Variants in CAST observed in about 807,000 individuals in gnomAD.
CAST encodes the protein calpastatin.
A neutral mutation model predicts 119.6 loss-of-function variants in CAST; 76 were observed. That is an observed-to-expected ratio of 0.64 (90% CI 0.53 to 0.77). The LOEUF is 0.77. Ranked by LOEUF, CAST falls within the 30% of genes least tolerant of loss-of-function variation. The pLI is 0.00. For synonymous variants in CAST, 319 were observed against 331.6 expected (o/e 0.96, Z 0.41); for missense variants, 953 against 946.5 (o/e 1.01, Z -0.09).
the CAST span, among the ~76,000 whole-genome samples, chr5:96,366,197 A>C: frequency 6.6e-6 from 1 of 152,278 alleles, no homozygotes; most frequent in East Asian, 1.9e-4. Flanking sequence ...AGAGAGATCC[A>C]CTGTTAGTCT....
At chr5:96,669,904 A>G (rs1281890414) in intron 1 of CAST, among the ~76,000 whole-genome samples, 1 of 152,240 alleles carries the variant, frequency 6.6e-6, no homozygotes, top group Non-Finnish European at 1.5e-5. Flanking sequence ...AGAAAAATTT[A>G]TCCATGGCAA....
chr5:96,068,033 G>A, the CAST span, among the ~76,000 whole-genome samples: 2 of 152,136 alleles, frequency 1.3e-5, no homozygotes, highest in African/African-American at 4.8e-5. Context: ...AGCATCTCTG[G>A]GAATAAAGGT....
chr5:96,333,303 C>G, the CAST span, among the ~76,000 whole-genome samples: 1 of 151,950 alleles, frequency 6.6e-6, no homozygotes, highest in Non-Finnish European at 1.5e-5. Context: ...CTGTTTTCTG[C>G]ACGGTCAGAT....
the CAST span, among the ~76,000 whole-genome samples, chr5:96,049,641 A>G: frequency 3.3e-5 from 5 of 152,126 alleles, no homozygotes; most frequent in Admixed American, 6.5e-5. Flanking sequence ...GGAAAAGTCC[A>G]GGGTTACTGG....
chr5:96,468,381 A>G, the CAST span, among the ~76,000 whole-genome samples: 3,237 of 152,160 alleles, frequency 0.021, 130 homozygotes, highest in African/African-American at 0.074. Flanking sequence ...AGCTACGGAA[A>G]TTTTTTAAAA....
At chr5:96,401,813 T>C in the CAST span, among the ~76,000 whole-genome samples, 1 of 152,204 alleles carries the variant, frequency 6.6e-6, no homozygotes, top group Non-Finnish European at 1.5e-5. Context: ...TGTTCTCTGA[T>C]GTGTAGCACC....
At chr5:96,618,699 C>T (rs1025629441) in intron 1 of CAST, among the ~76,000 whole-genome samples, 6 of 151,510 alleles carry the variant, frequency 4.0e-5, no homozygotes, top group South Asian at 2.1e-4. Context: ...GGCTCACTGA[C>T]GCCACCCTCA....
At chr5:95,990,983 A>G in the CAST span, among the ~76,000 whole-genome samples, 1 of 152,326 alleles carries the variant, frequency 6.6e-6, no homozygotes, top group African/African-American at 2.4e-5. Context: ...AACTCTAATT[A>G]GTGTTTTCTC....
the CAST span, among the ~76,000 whole-genome samples, chr5:96,355,931 A>T: frequency 2.2e-4 from 34 of 152,142 alleles, no homozygotes; most frequent in African/African-American, 7.2e-4. Context: ...CGATCCCTTG[A>T]CCTCATGATC....
chr5:96,328,373 TTCTCTCTCCCTCTCTC>T, the CAST span, among the ~76,000 whole-genome samples: 9,375 of 93,786 alleles, frequency 0.1, 1,064 homozygotes, highest in African/African-American at 0.2. Flanking sequence ...CTGTCTTTCC[TTCTCTCTCCCTCTCTC>T]TCTCTCTCTC....
At chr5:96,227,369 T>C in the CAST span, among the ~76,000 whole-genome samples, 1 of 152,228 alleles carries the variant, frequency 6.6e-6, no homozygotes, top group Non-Finnish European at 1.5e-5. Flanking sequence ...AGTTTAAATT[T>C]AGTACAGCAT....
chr5:96,050,598 G>T, the CAST span, among the ~76,000 whole-genome samples: 107 of 152,356 alleles, frequency 7.0e-4, 1 homozygote, highest in African/African-American at 2.0e-3. Flanking sequence ...AATGGTGCTG[G>T]CCATAGGGCA....
chr5:95,977,548 C>T, the CAST span, among the ~76,000 whole-genome samples: 1 of 152,180 alleles, frequency 6.6e-6, no homozygotes, highest in Non-Finnish European at 1.5e-5. Context: ...TTTGAAAGCT[C>T]TTGAAAGTAG....
At chr5:95,987,448 C>T in the CAST span, among the ~76,000 whole-genome samples, 2 of 152,072 alleles carry the variant, frequency 1.3e-5, no homozygotes, top group Non-Finnish European at 2.9e-5. Flanking sequence ...GAGATATGCA[C>T]GTGCCTAGGC....
At chr5:96,138,397 G>T in the CAST span, among the ~76,000 whole-genome samples, 2 of 151,714 alleles carry the variant, frequency 1.3e-5, no homozygotes, top group African/African-American at 4.8e-5. Flanking sequence ...TTATATTAAG[G>T]CTTTATATTA....
intron 1 of CAST, among the ~76,000 whole-genome samples, chr5:96,617,136 T>C (rs72772040): frequency 0.072 from 10,919 of 152,176 alleles, 423 homozygotes; most frequent in African/African-American, 0.095. Flanking sequence ...CCCAAGTTGA[T>C]TTTTTGTTAA....
the CAST span, among the ~76,000 whole-genome samples, chr5:96,010,317 C>A: frequency 6.6e-6 from 1 of 151,878 alleles, no homozygotes; most frequent in Non-Finnish European, 1.5e-5. Flanking sequence ...TATATTTTTT[C>A]TTTTGTGAGT....
chr5:96,358,327 T>G, the CAST span, among the ~76,000 whole-genome samples: 1 of 152,204 alleles, frequency 6.6e-6, no homozygotes, highest in African/African-American at 2.4e-5. Context: ...AGTCTCTATC[T>G]CCTTTAGTTC....
chr5:96,716,440 T>C (rs1757196012), intron 3 of CAST, among the ~76,000 whole-genome samples: 1 of 152,224 alleles, frequency 6.6e-6, no homozygotes, highest in South Asian at 2.1e-4. Flanking sequence ...TGCCATAAAA[T>C]AATACTCTTG....
Sources: gnomAD v4.1 joint callset for allele counts (sites outside exome capture counted in the v4.1 genomes callset) on GRCh38, gnomAD v4.1.1 for gene constraint, MANE v1.5 for transcripts, NCBI Gene and HGNC (gene_info 2026-07-23, HGNC 2026-07-21) for gene names.